The following ANKH variants were observed in gnomAD, a reference collection of about 807,000 sequenced individuals.
The protein encoded by ANKH is mineralization regulator ANKH.
ANKH carries 15 observed loss-of-function variants against 49.0 expected under a neutral mutation model. The ratio of observed to expected loss-of-function variants is 0.31; its 90% confidence interval spans 0.20 to 0.47. The LOEUF (loss-of-function observed/expected upper bound fraction) is 0.47. Among genes scored for constraint, ANKH ranks in the 20% least tolerant of loss-of-function variants. The pLI is 1.00. For missense variants in ANKH, 429 were observed against 652.0 expected (o/e 0.66, Z 3.72); for synonymous variants, 273 against 260.0 (o/e 1.05, Z -0.48).
rs539781934 is a variant in ANKH, at chr5:14,734,172, C to T, written c.1011+7655G>A. ...TTTTAAACTTAACTTCCTCGTAAAGCAACCTTTTCTGATTACCTGCTCCAC... is the reference window on the plus strand; with the variant it reads ...TTTTAAACTTAACTTCCTCGTAAAGTAACCTTTTCTGATTACCTGCTCCAC... On this transcript the variant is annotated intron_variant, in intron 8 of 11. Coordinates refer to ENST00000284268, the MANE Select transcript of ANKH (RefSeq NM_054027.6). 2.6e-5 allele frequency among the ~76,000 whole-genome samples: 4 copies of T among 152,258 alleles called. No homozygotes were observed. In the East Asian group the frequency reaches 7.7e-4, roughly 29 times the overall value.
At chr5:14,777,879 A>C (rs1434493954) in intron 1 of ANKH, among the ~76,000 whole-genome samples, 1 of 152,190 alleles carries the variant, frequency 6.6e-6, no homozygotes, top group Non-Finnish European at 1.5e-5. Flanking sequence ...CCCCGGCCAC[A>C]GTAACAGAGT....
At position 14,727,414 on chromosome 5, in the gene ANKH, T is replaced by C. The variant is rs141748689; in HGVS notation, c.1012-10579A>G. On this transcript the variant is annotated intron_variant, in intron 8 of 11. Coordinates refer to ENST00000284268, the MANE Select transcript of ANKH (RefSeq NM_054027.6). ...CATCCCTTCTATCATCTAGGTTTAA[T>C]GAAATTGCCAAATGCACACACTACA... Among the ~76,000 whole-genome samples, 96 of 151,772 alleles carry C rather than the reference T, an allele frequency of 6.3e-4. No individual in the cohort carries two copies. The East Asian group carries it at 0.016, about 25-fold the overall frequency.
chr5:14,858,798 G>T lies in ANKH; in HGVS notation c.96+12554C>A, dbSNP rs187425529. On this transcript the variant is annotated intron_variant, in intron 1 of 11. Coordinates refer to ENST00000284268, the MANE Select transcript of ANKH (RefSeq NM_054027.6). ...TATATGCACAGAAAAGAGATAAGAA[G>T]ATTATGCACTAAAATAAGATACAGA... 3.7e-4 allele frequency among the ~76,000 whole-genome samples: 56 copies of T among 150,502 alleles called. No homozygotes were observed. The East Asian group carries it at 7.0e-3, about 19-fold the overall frequency.
At chr5:14,815,765 A>G (rs564225825) in intron 1 of ANKH, among the ~76,000 whole-genome samples, 1 of 152,378 alleles carries the variant, frequency 6.6e-6, no homozygotes, top group South Asian at 2.1e-4. Flanking sequence ...AGACACGACC[A>G]CAAGTGTCCA....
At chr5:14,818,119 A>ACTTATCT (rs951514501) in intron 1 of ANKH, among the ~76,000 whole-genome samples, 1 of 149,966 alleles carries the variant, frequency 6.7e-6, no homozygotes, top group African/African-American at 2.5e-5. Context: ...AGTATTTGTC[A>ACTTATCT]CTTATCTCAT....
chr5:14,724,979 T>C (rs1374231322), intron 8 of ANKH, among the ~76,000 whole-genome samples: 1 of 152,174 alleles, frequency 6.6e-6, no homozygotes, highest in Non-Finnish European at 1.5e-5. Context: ...GTCAAACATA[T>C]GCAGCTGTTT....
intron 1 of ANKH, among the ~76,000 whole-genome samples, chr5:14,829,176 C>A (rs1224673548): frequency 9.6e-6 from 1 of 103,854 alleles, no homozygotes. Flanking sequence ...CAGAGAGAGA[C>A]TCTGTCTCAA....
chr5:14,714,549 T>G (rs1469318904), intron 9 of ANKH, among the ~76,000 whole-genome samples: 1 of 152,148 alleles, frequency 6.6e-6, no homozygotes, highest in Non-Finnish European at 1.5e-5. Flanking sequence ...CAGGATATGC[T>G]GGTTTGGAAG....
At chr5:14,855,068 C>A (rs1484820625) in intron 1 of ANKH, among the ~76,000 whole-genome samples, 1 of 152,208 alleles carries the variant, frequency 6.6e-6, no homozygotes, top group Non-Finnish European at 1.5e-5. Context: ...CTCCTCCTGC[C>A]GTTCCCCTGG....
chr5:14,717,289 T>C (rs1737506162), intron 8 of ANKH, among the ~76,000 whole-genome samples: 1 of 152,148 alleles, frequency 6.6e-6, no homozygotes. Context: ...GCACACATAA[T>C]GAAAAGGGAA....
chr5:14,812,714 T>C (rs1561067037), intron 1 of ANKH, among the ~76,000 whole-genome samples: 1 of 152,228 alleles, frequency 6.6e-6, no homozygotes, highest in East Asian at 1.9e-4. Flanking sequence ...TTGATGTCTA[T>C]GTCCTTGGCC....
intron 3 of ANKH, among the ~76,000 whole-genome samples, 191 bp from the exon 4 acceptor site, chr5:14,756,135 T>C (rs1738876829): frequency 6.6e-6 from 1 of 152,206 alleles, no homozygotes; most frequent in Non-Finnish European, 1.5e-5. Context: ...TGTTAGAGTT[T>C]ACAGTGGAGT....
At chr5:14,756,453 T>C (rs1472906319) in intron 3 of ANKH, among the ~76,000 whole-genome samples, 1 of 152,182 alleles carries the variant, frequency 6.6e-6, no homozygotes, top group African/African-American at 2.4e-5. Context: ...AGGAGGAAGA[T>C]GCTACGAGGG....
intron 6 of ANKH, 35 bp downstream of exon 6, chr5:14,749,137 G>A: frequency 6.2e-7 from 1 of 1,613,792 alleles, no homozygotes. Context: ...CCACCAAGGT[G>A]ATCATAAGCC....
At chr5:14,738,439 G>A (rs1738252488) in intron 8 of ANKH, among the ~76,000 whole-genome samples, 3 of 152,168 alleles carry the variant, frequency 2.0e-5, no homozygotes, top group Admixed American at 1.3e-4. Context: ...GGATAAAGCT[G>A]ATTTTCCCAA....
chr5:14,863,799 C>G (rs1735570705), intron 1 of ANKH, among the ~76,000 whole-genome samples: 1 of 152,174 alleles, frequency 6.6e-6, no homozygotes. Context: ...TCCCACCCAA[C>G]ATAACCTGCT....
At chr5:14,719,101 A>G (rs1737583320) in intron 8 of ANKH, among the ~76,000 whole-genome samples, 1 of 152,196 alleles carries the variant, frequency 6.6e-6, no homozygotes, top group South Asian at 2.1e-4. Flanking sequence ...GGTGCAGTGC[A>G]TGGGAAAAGC....
At chr5:14,747,977 T>G (rs1329823107) in intron 6 of ANKH, among the ~76,000 whole-genome samples, 1 of 152,180 alleles carries the variant, frequency 6.6e-6, no homozygotes, top group East Asian at 1.9e-4. Flanking sequence ...TGTACATAAA[T>G]GCCTGGCACA....
At chr5:14,736,492 G>T (rs898240794) in intron 8 of ANKH, among the ~76,000 whole-genome samples, 1 of 152,124 alleles carries the variant, frequency 6.6e-6, no homozygotes, top group African/African-American at 2.4e-5. Context: ...TTACAGGAAG[G>T]ATTGGCAGGG....
Sources: allele counts gnomAD v4.1 joint callset (sites outside exome capture counted in the v4.1 genomes callset), GRCh38; gene constraint gnomAD v4.1.1; transcripts MANE v1.5; gene names NCBI Gene and HGNC (gene_info 2026-07-23, HGNC 2026-07-21).